The following ARHGAP23 variants were observed in gnomAD, a reference collection of about 807,000 sequenced individuals.
ARHGAP23 encodes the protein rho GTPase-activating protein 23.
In ARHGAP23, 34 loss-of-function variants were observed where a neutral mutation model predicts 136.3. That is an observed-to-expected ratio of 0.25 (90% CI 0.19 to 0.33). The LOEUF (loss-of-function observed/expected upper bound fraction) is 0.33, where lower values mean the gene tolerates loss of function less well. ARHGAP23 is among the 10% of genes least tolerant of loss of function. ARHGAP23 has a pLI of 1.00. For missense variants in ARHGAP23, 1,808 were observed against 2,139.0 expected (o/e 0.85, Z 3.05); for synonymous variants, 832 against 920.5 (o/e 0.90, Z 1.74).
intron 1 of ARHGAP23, among the ~76,000 whole-genome samples, chr17:38,421,464 G>A (rs1255496897): frequency 6.6e-6 from 1 of 152,256 alleles, no homozygotes; most frequent in Non-Finnish European, 1.5e-5. Flanking sequence ...TGTGTATGGA[G>A]TGCGTCTGAA....
chr17:38,454,876 G>T (rs2039287998), intron 1 of ARHGAP23, among the ~76,000 whole-genome samples: 1 of 152,226 alleles, frequency 6.6e-6, no homozygotes, highest in Non-Finnish European at 1.5e-5. Context: ...AAGGCCGTCT[G>T]CCCTGCTGTC....
intron 1 of ARHGAP23, among the ~76,000 whole-genome samples, chr17:38,446,609 ATTT>A (rs59571187): frequency 0.17 from 22,322 of 131,452 alleles, 2,377 homozygotes; most frequent in African/African-American, 0.34. Context: ...TCTGTGTTTA[ATTT>A]TTTTTTTTTT....
chr17:38,467,578 A>G (rs952538171), intron 7 of ARHGAP23, among the ~76,000 whole-genome samples: 18 of 150,510 alleles, frequency 1.2e-4, no homozygotes, highest in African/African-American at 4.4e-4. Flanking sequence ...GCATCTTTCC[A>G]CGCACTCTTT....
At chr17:38,504,416 G>A (rs529621990) in intron 23 of ARHGAP23, among the ~76,000 whole-genome samples, 11 of 152,322 alleles carry the variant, frequency 7.2e-5, no homozygotes, top group South Asian at 4.1e-4. Flanking sequence ...CTCCTGTCCC[G>A]GCTGTAAGGA....
intron 2 of ARHGAP23, 94 bp downstream of exon 2, chr17:38,458,357 C>G: frequency 7.1e-7 from 1 of 1,406,702 alleles, no homozygotes; most frequent in South Asian, 1.5e-5. Flanking sequence ...CTTTCACCCT[C>G]TCAGAGAGGC....
At chr17:38,506,301 C>T (rs2040633144) in intron 23 of ARHGAP23, among the ~76,000 whole-genome samples, 1 of 152,192 alleles carries the variant, frequency 6.6e-6, no homozygotes, top group South Asian at 2.1e-4. Context: ...AGAAGAGCTT[C>T]TGTAACTTGC....
intron 7 of ARHGAP23, 67 bp downstream of exon 7, chr17:38,467,398 C>A (rs1014686394): frequency 2.1e-6 from 3 of 1,408,452 alleles, no homozygotes; most frequent in Non-Finnish European, 2.8e-6. Flanking sequence ...CTGCTGTACC[C>A]CATCTGCCTG....
At position 38,466,205 on chromosome 17, in the gene ARHGAP23, G is replaced by A. The variant is rs62074684; in HGVS notation, c.522G>A (p.Pro174=). The A allele has an allele frequency of 0.035, 53,992 of 1,530,370 alleles. 1,132 individuals are homozygous for A. Among genetic ancestry groups the A allele is most frequent in the African/African-American group, 0.062 (4,438 of 72,052 alleles). The allele number at this position is 1,530,370 out of a possible 1,614,324, so 94.8% of individuals were successfully genotyped here. ...SQDAYLKGNE[P]YSGEARSIPE... ...ATGCCTACCTGAAAGGGAACGAGCC[G>A]TATTCTGGAGAGGCCCGCAGCATCC... The change falls in exon 7 of 24, where the codon CCG becomes CCA. Residue 174 remains proline, a synonymous_variant. Transcript: ENST00000622683.
intron 20 of ARHGAP23, among the ~76,000 whole-genome samples, chr17:38,493,467 C>T (rs1287108981): frequency 6.6e-6 from 1 of 152,160 alleles, no homozygotes; most frequent in Admixed American, 6.5e-5. Flanking sequence ...GCTGGGATTA[C>T]AGGTGTGAGC....
At chr17:38,449,726 A>G (rs922771344) in intron 1 of ARHGAP23, among the ~76,000 whole-genome samples, 1 of 152,138 alleles carries the variant, frequency 6.6e-6, no homozygotes, top group Non-Finnish European at 1.5e-5. Context: ...GTGGTGTGCA[A>G]CTGGTGTACA....
chr17:38,466,884 C>G lies in ARHGAP23; in HGVS notation c.1201C>G (p.Gln401Glu). Residue 401 changes from glutamine to glutamate, a missense_variant, in exon 7 of 24, where the codon CAG (glutamine) becomes GAG (glutamate). By Grantham distance (29) the Gln-to-Glu change is conservative (BLOSUM62 2). Around this residue, in one of 7 missense-constraint regions of ARHGAP23, gnomAD observed 859 missense variants for 936.4 expected, o/e 0.92. Coordinates refer to ENST00000622683, the MANE Select transcript of ARHGAP23 (RefSeq NM_001199417.2). ...ACPTRDLPGP[Q>E]APPPSGLQGL... is the part of the protein sequence containing the mutation. ...CCCAACTCGGGACCTGCCAGGGCCC[C>G]AGGCCCCACCCCCGTCTGGCCTGCA... 6.5e-7 allele frequency: 1 copy of G among 1,550,136 alleles called. No homozygotes were observed. The highest frequency in any genetic ancestry group is 8.7e-7 in the Non-Finnish European group (1 of 1,146,860).
At chr17:38,504,344 T>C (rs565062013) in intron 23 of ARHGAP23, among the ~76,000 whole-genome samples, 3 of 152,312 alleles carry the variant, frequency 2.0e-5, no homozygotes, top group Non-Finnish European at 1.5e-5. Flanking sequence ...TCTCATCTAC[T>C]GGGGAGACCA....
At chr17:38,463,012 T>C (rs2144628356) in intron 4 of ARHGAP23, 71 bp downstream of exon 4, 1 of 1,532,706 alleles carries the variant, frequency 6.5e-7, no homozygotes, top group Non-Finnish European at 8.8e-7. Flanking sequence ...GATCCAGGTG[T>C]TGGGGAGGCT....
At chr17:38,504,300 G>C (rs1437285325) in intron 23 of ARHGAP23, among the ~76,000 whole-genome samples, 1 of 152,226 alleles carries the variant, frequency 6.6e-6, no homozygotes, top group Non-Finnish European at 1.5e-5. Context: ...GCAGGGACAG[G>C]GACGTTGAGT....
At chr17:38,479,972 T>C in intron 14 of ARHGAP23, 89 bp downstream of exon 14, 1 of 1,498,316 alleles carries the variant, frequency 6.7e-7, no homozygotes, top group South Asian at 1.3e-5. Context: ...GGGCTGTGTC[T>C]GCTCATGTGT....
At chr17:38,443,853 C>T (rs1212801679) in intron 1 of ARHGAP23, among the ~76,000 whole-genome samples, 2 of 152,116 alleles carry the variant, frequency 1.3e-5, no homozygotes, top group Non-Finnish European at 2.9e-5. Context: ...CCAGTGTGTG[C>T]ACCTGTTACC....
upstream of ARHGAP23, chr17:38,428,397 C>A (rs1311938015): frequency 5.7e-6 from 3 of 530,270 alleles, no homozygotes; most frequent in Admixed American, 4.9e-5. Flanking sequence ...CCCCACACCG[C>A]GCTCGGCCCC....
intron 23 of ARHGAP23, among the ~76,000 whole-genome samples, chr17:38,501,349 T>C (rs2040515221): frequency 6.6e-6 from 1 of 152,160 alleles, no homozygotes; most frequent in Non-Finnish European, 1.5e-5. Context: ...TCACCCAGGC[T>C]GGAGTGCAGT....
upstream of ARHGAP23, among the ~76,000 whole-genome samples, chr17:38,424,975 C>T (rs1170944437): frequency 6.6e-6 from 1 of 152,208 alleles, no homozygotes; most frequent in Non-Finnish European, 1.5e-5. Context: ...CTTCCTCCTG[C>T]TCACCAAATC....
Sources: allele counts gnomAD v4.1 joint callset (sites outside exome capture counted in the v4.1 genomes callset), GRCh38; gene constraint gnomAD v4.1.1; regional missense constraint gnomAD v4.1.1; transcripts MANE v1.5; gene names NCBI Gene and HGNC (gene_info 2026-07-23, HGNC 2026-07-21).